Variants in AK8 observed in about 807,000 individuals in gnomAD.
AK8 encodes the protein adenylate kinase 8, also known as ATP-AMP transphosphorylase 8.
Under a neutral mutation model 54.6 loss-of-function variants are expected in AK8, and 44 were observed. That is an observed-to-expected ratio of 0.81 (90% CI 0.63 to 1.04). The LOEUF (loss-of-function observed/expected upper bound fraction) is 1.04. AK8 is among the 50% of genes least tolerant of loss of function. The pLI, the probability that AK8 is intolerant of heterozygous loss-of-function variation, is 0.00. For synonymous variants in AK8, 239 were observed against 245.6 expected (o/e 0.97, Z 0.25); for missense variants, 555 against 613.6 (o/e 0.90, Z 1.01).
intron 11 of AK8, among the ~76,000 whole-genome samples, chr9:132,784,240 C>T (rs182346854): frequency 9.7e-4 from 148 of 151,990 alleles, no homozygotes; most frequent in African/African-American, 3.3e-3. Context: ...CATCCATAGG[C>T]CGGGCGCAGT....
At position 132,826,801 on chromosome 9, in the gene AK8, C is replaced by G; in HGVS notation, c.757+53G>C. 6.3e-7 allele frequency: 1 copy of G among 1,576,624 alleles called. No homozygotes were observed. The highest frequency in any genetic ancestry group is 8.7e-7 in the Non-Finnish European group (1 of 1,146,812). ...AGGGACAAAGTGGTAGAAGGCACAG[C>G]GAGCCCCGCCCTTGGCCGTCTGTCC... On this transcript the variant is annotated intron_variant, in intron 8 of 12. Transcript: ENST00000298545. This position sits in a 1 kb window ranked among gnomAD's most constrained non-coding sequence, Gnocchi z 4.5.
In AK8 at chr9:132,749,664, C is replaced by T. The variant is rs1047866163; in HGVS notation, c.1122-22130G>A. On this transcript the variant is annotated intron_variant, in intron 11 of 12. Coordinates refer to ENST00000298545, the MANE Select transcript of AK8 (RefSeq NM_152572.3). ...AGCCACTGGGCTGTGTTGCTGTTTC[C>T]CAAATGCAGGAAGTCTCTTAAGTGC... Among the ~76,000 whole-genome samples, 20 of 151,836 alleles carry T rather than the reference C, an allele frequency of 1.3e-4. 2 individuals carry two copies. The highest frequency in any genetic ancestry group is 1.3e-3 in the Admixed American group (20 of 15,220).
At chr9:132,751,405 A>C (rs899865350) in intron 11 of AK8, among the ~76,000 whole-genome samples, 2 of 149,866 alleles carry the variant, frequency 1.3e-5, no homozygotes, top group Non-Finnish European at 3.0e-5. Context: ...AACAAAAAAA[A>C]CCAACTTCTG....
intron 11 of AK8, among the ~76,000 whole-genome samples, chr9:132,751,390 A>C (rs994320775): frequency 3.3e-5 from 5 of 150,488 alleles, no homozygotes; most frequent in South Asian, 2.1e-4. Context: ...AAAAAAAAAA[A>C]AAAAAACAAA....
At chr9:132,816,259 CAGG>C (rs1357706928) in intron 9 of AK8, among the ~76,000 whole-genome samples, 3 of 151,214 alleles carry the variant, frequency 2.0e-5, no homozygotes, top group African/African-American at 7.3e-5. Context: ...GAGGCTGAGG[CAGG>C]AGAATTGCTT....
intron 11 of AK8, among the ~76,000 whole-genome samples, chr9:132,774,916 T>C (rs895596541): frequency 3.3e-5 from 5 of 152,228 alleles, no homozygotes; most frequent in African/African-American, 7.2e-5. Context: ...TAATAAGAGC[T>C]TGGAATCCAC....
intron 11 of AK8, among the ~76,000 whole-genome samples, chr9:132,745,658 G>A (rs551419874): frequency 7.2e-5 from 11 of 152,166 alleles, no homozygotes; most frequent in African/African-American, 2.4e-4. Context: ...CTTTCTTTCC[G>A]GGTAGTGGAG....
Position 132,827,151 on chromosome 9 carries a change from C to A in AK8, c.557-97G>T, listed in dbSNP as rs1047418835. On this transcript the variant is annotated intron_variant, in intron 7 of 12. Coordinates refer to ENST00000298545, the MANE Select transcript of AK8 (RefSeq NM_152572.3). ...GGTGCTTGCTGTCCTGGAGGCCAGG[C>A]CCTACACATTCCTGGGGTGTGGCTG... 6.8e-5 allele frequency: 86 copies of A among 1,266,298 alleles called. 1 individual carries two copies. The Admixed American group carries it at 1.5e-3, about 22-fold the overall frequency. 78.4% of individuals were successfully genotyped at this position (1,266,298 alleles called of 1,614,324 possible).
At chr9:132,875,271 T>C in intron 1 of AK8, 72 bp from the exon 2 acceptor site, 1 of 1,579,646 alleles carries the variant, frequency 6.3e-7, no homozygotes, top group Non-Finnish European at 8.6e-7. Flanking sequence ...ATACCAGCTA[T>C]GGGGCCTGCT....
chr9:132,868,817 C>T (rs767669817), intron 2 of AK8, among the ~76,000 whole-genome samples: 5 of 152,186 alleles, frequency 3.3e-5, no homozygotes, highest in African/African-American at 9.7e-5. Flanking sequence ...ACCATTACTA[C>T]TGCCTTACAG....
rs529161556 is a variant in AK8, at chr9:132,841,296, G to A, written c.403-12570C>T. Among the ~76,000 whole-genome samples, 9 of 152,302 alleles carry A rather than the reference G, an allele frequency of 5.9e-5. No individual in the cohort carries two copies. In the East Asian group the frequency reaches 1.2e-3, roughly 20 times the overall value. On this transcript the variant is annotated intron_variant, in intron 5 of 12. Coordinates refer to ENST00000298545, the MANE Select transcript of AK8 (RefSeq NM_152572.3). ...GTCAGCAGATGTGAACCCGAGCCAC[G>A]TGTGGAGCCCATAAGAATCACATTC... is the stretch of plus-strand genomic sequence containing the variant.
In AK8 at chr9:132,837,736, C is replaced by G. The variant is rs1327830696; in HGVS notation, c.403-9010G>C. ...GTGCCCTTAAGAAGCCCATATCACA[C>G]CAACCAACCAACCACGCCTCAGCAT... On this transcript the variant is annotated intron_variant, in intron 5 of 12. Coordinates refer to ENST00000298545, the MANE Select transcript of AK8 (RefSeq NM_152572.3). The surrounding 1 kb of genome is among the most constrained non-coding windows in gnomAD (Gnocchi z 4.3). 6.6e-6 allele frequency among the ~76,000 whole-genome samples: 1 copy of G among 152,188 alleles called. No homozygotes were observed. Among genetic ancestry groups the G allele is most frequent in the African/African-American group, 2.4e-5 (1 of 41,444 alleles).
chr9:132,813,880 A>G (rs1841192384), intron 10 of AK8, among the ~76,000 whole-genome samples: 2 of 152,212 alleles, frequency 1.3e-5, no homozygotes, highest in Admixed American at 1.3e-4. Flanking sequence ...CTGAGGACCA[A>G]TGCCGGTCAA....
At position 132,878,283 on chromosome 9, in the gene AK8, G is replaced by A. The variant is rs1373248190; in HGVS notation, c.-28C>T. 3.0e-6 allele frequency: 4 copies of A among 1,342,880 alleles called. No individual in the cohort carries two copies. The East Asian group carries it at 1.1e-4, about 37-fold the overall frequency. The allele number at this position is 1,342,880 out of a possible 1,614,324, so 83.2% of individuals were successfully genotyped here. A position where few individuals can be genotyped will look rare whatever the true frequency, so the allele number is the denominator to read the frequency against. ...AGCCGTCTCGGCTCGCCGCTCCCTA[G>A]TAACCGCGTCGCTAGGGCCGCCGCG... On this transcript the variant is annotated 5_prime_UTR_variant, in exon 1 of 13. Coordinates refer to ENST00000298545, the MANE Select transcript of AK8 (RefSeq NM_152572.3). This position sits in a 1 kb window ranked among gnomAD's most constrained non-coding sequence, Gnocchi z 4.7.
At chr9:132,839,608 A>G (rs956273165) in intron 5 of AK8, among the ~76,000 whole-genome samples, 3 of 152,158 alleles carry the variant, frequency 2.0e-5, no homozygotes, top group African/African-American at 7.2e-5. Context: ...GGGAGGATGC[A>G]GCAGGCCTAG....
At chr9:132,871,671 G>A (rs759712033) in intron 2 of AK8, among the ~76,000 whole-genome samples, 4 of 152,202 alleles carry the variant, frequency 2.6e-5, no homozygotes, top group African/African-American at 7.2e-5. Flanking sequence ...GCCTCTGCTC[G>A]AGAACAACAG....
At chr9:132,812,228 CTTTTTT>C (rs528951216) in intron 10 of AK8, among the ~76,000 whole-genome samples, 36 of 92,556 alleles carry the variant, frequency 3.9e-4, no homozygotes, top group Non-Finnish European at 6.3e-4. Flanking sequence ...GCTACTGTGG[CTTTTTT>C]TTTTTTTTTT....
At position 132,725,896 on chromosome 9, in the gene AK8, G is replaced by C; in HGVS notation, c.1232C>G (p.Thr411Ser). ...CAGGAGGCGAGCCTGGATCTCCATG[G>C]TGGGAGGTGGCTTGTACATGAGGTG... is the stretch of plus-strand genomic sequence containing the variant. ...RYHLMYKPPP[T>S]MEIQARLLQN... Residue 411 changes from threonine (T) to serine (S), a missense_variant, in exon 13 of 13, where the codon ACC (threonine) becomes AGC (serine). Thr to Ser is a moderately conservative substitution (Grantham distance 58). Transcript: ENST00000298545. 6.2e-7 allele frequency: 1 copy of C among 1,611,928 alleles called. No homozygotes were observed. The highest frequency in any genetic ancestry group is 1.1e-5 in the South Asian group (1 of 90,396).
intron 11 of AK8, among the ~76,000 whole-genome samples, chr9:132,730,378 TGAACCA>T (rs1243720258): frequency 1.3e-5 from 2 of 150,870 alleles, no homozygotes; most frequent in African/African-American, 4.9e-5. Context: ...AATGAAGAAA[TGAACCA>T]ACCCATGGTA....
Sources: gnomAD v4.1 joint callset for allele counts (sites outside exome capture counted in the v4.1 genomes callset) on GRCh38, gnomAD v4.1.1 for gene constraint, Gnocchi (gnomAD v3.1) non-coding constraint, MANE v1.5 for transcripts, NCBI Gene and HGNC (gene_info 2026-07-23, HGNC 2026-07-21) for gene names.